The following NEGR1 variants were observed in gnomAD, a reference collection of about 807,000 sequenced individuals.
The protein encoded by NEGR1 is IgLON family member 4.
A neutral mutation model predicts 40.9 loss-of-function variants in NEGR1; 10 were observed. That is an observed-to-expected ratio of 0.24 (90% confidence interval 0.15 to 0.42). NEGR1 has a LOEUF of 0.42. Among genes scored for constraint, NEGR1 ranks in the 10% least tolerant of loss-of-function variants. NEGR1 has a pLI of 1.00. For missense variants in NEGR1, 352 were observed against 438.9 expected (o/e 0.80, Z 1.77); for synonymous variants, 185 against 166.8 (o/e 1.11, Z -0.84).
chr1:72,109,459 A>T (rs931664894), intron 1 of NEGR1, among the ~76,000 whole-genome samples: 3 of 151,574 alleles, frequency 2.0e-5, no homozygotes, highest in South Asian at 2.1e-4. Flanking sequence ...ATTGTTAAAA[A>T]TTTTTCCTAA....
intron 1 of NEGR1, among the ~76,000 whole-genome samples, chr1:72,253,155 G>GT (rs1184236965): frequency 3.3e-5 from 5 of 152,044 alleles, no homozygotes; most frequent in Non-Finnish European, 7.4e-5. Flanking sequence ...TGGACAGAGG[G>GT]TTTTTTTAAG....
intron 1 of NEGR1, among the ~76,000 whole-genome samples, chr1:72,071,835 T>C (rs1647475293): frequency 6.6e-6 from 1 of 152,160 alleles, no homozygotes; most frequent in Non-Finnish European, 1.5e-5. Flanking sequence ...TAGTGTCTTC[T>C]TCACTCTGTA....
At chr1:71,857,304 T>C (rs991228146) in intron 2 of NEGR1, among the ~76,000 whole-genome samples, 1 of 151,592 alleles carries the variant, frequency 6.6e-6, no homozygotes, top group Non-Finnish European at 1.5e-5. Context: ...CACCATTTTC[T>C]CATCTGAAAA....
At chr1:71,630,954 C>T (rs929028336) in intron 4 of NEGR1, among the ~76,000 whole-genome samples, 10 of 151,826 alleles carry the variant, frequency 6.6e-5, no homozygotes, top group African/African-American at 2.2e-4. Context: ...AATTACAATG[C>T]TTATAAAGAT....
intron 1 of NEGR1, among the ~76,000 whole-genome samples, chr1:71,988,524 C>A (rs1366726198): frequency 8.9e-6 from 1 of 112,548 alleles, no homozygotes; most frequent in African/African-American, 3.5e-5. Flanking sequence ...CCGTCCTGGG[C>A]GACAGAGCGA....
chr1:72,120,360 TTGAAGAG>T (rs1262850551), intron 1 of NEGR1, among the ~76,000 whole-genome samples: 1 of 151,994 alleles, frequency 6.6e-6, no homozygotes, highest in African/African-American at 2.4e-5. Flanking sequence ...TTATGAATTA[TTGAAGAG>T]TATAGCTAAA....
At chr1:71,886,596 C>T (rs1459425148) in intron 2 of NEGR1, among the ~76,000 whole-genome samples, 1 of 152,018 alleles carries the variant, frequency 6.6e-6, no homozygotes, top group African/African-American at 2.4e-5. Context: ...TACTTTTTAC[C>T]ATCAGTCTGC....
At chr1:71,992,052 C>A (rs1456799261) in intron 1 of NEGR1, among the ~76,000 whole-genome samples, 11 of 152,056 alleles carry the variant, frequency 7.2e-5, no homozygotes, top group Admixed American at 7.2e-4. Flanking sequence ...TCCTTGGCCT[C>A]CCAAAGTGCT....
intron 1 of NEGR1, among the ~76,000 whole-genome samples, chr1:72,205,044 G>C (rs1050125595): frequency 6.6e-6 from 1 of 151,952 alleles, no homozygotes; most frequent in East Asian, 1.9e-4. Context: ...GTGCTTAGAG[G>C]TATGAAAAAC....
At chr1:72,143,988 T>G (rs1650807941) in intron 1 of NEGR1, among the ~76,000 whole-genome samples, 1 of 147,188 alleles carries the variant, frequency 6.8e-6, no homozygotes, top group South Asian at 2.1e-4. Context: ...AAGAAAGACC[T>G]GAGATGGTCT....
intron 1 of NEGR1, among the ~76,000 whole-genome samples, chr1:72,074,016 C>G (rs1296572491): frequency 6.6e-6 from 1 of 152,000 alleles, no homozygotes; most frequent in Non-Finnish European, 1.5e-5. Flanking sequence ...AAAATAAAAT[C>G]TTTCATCAAT....
intron 1 of NEGR1, among the ~76,000 whole-genome samples, chr1:71,984,882 A>G (rs1212893642): frequency 3.9e-5 from 6 of 152,174 alleles, no homozygotes; most frequent in Admixed American, 3.3e-4. Context: ...ATGATATAAA[A>G]TAATAACTAA....
chr1:71,581,056 C>T (rs1649119648), intron 6 of NEGR1, among the ~76,000 whole-genome samples: 1 of 152,116 alleles, frequency 6.6e-6, no homozygotes, highest in African/African-American at 2.4e-5. Flanking sequence ...AACCTCATTA[C>T]CTCCAAATTA....
chr1:72,023,360 T>A (rs987154603), intron 1 of NEGR1, among the ~76,000 whole-genome samples: 7 of 152,074 alleles, frequency 4.6e-5, no homozygotes, highest in Admixed American at 3.9e-4. Flanking sequence ...TGCTCAAGTA[T>A]CTGTAACCAC....
chr1:72,199,485 CT>C (rs1653125572), intron 1 of NEGR1, among the ~76,000 whole-genome samples: 1 of 151,970 alleles, frequency 6.6e-6, no homozygotes, highest in African/African-American at 2.4e-5. Context: ...ATTAGAGACA[CT>C]TCAAATTCGC....
At chr1:71,733,495 G>A (rs894975493) in intron 3 of NEGR1, among the ~76,000 whole-genome samples, 3 of 152,132 alleles carry the variant, frequency 2.0e-5, no homozygotes, top group African/African-American at 7.2e-5. Context: ...CATGCCTCCA[G>A]TTTGTTAAAA....
At chr1:71,447,327 A>G (rs889546518) in intron 6 of NEGR1, among the ~76,000 whole-genome samples, 14 of 152,196 alleles carry the variant, frequency 9.2e-5, no homozygotes, top group Admixed American at 3.3e-4. Flanking sequence ...AATCCACCCA[A>G]AGAGGTCAAA....
chr1:71,470,111 T>C (rs190452799), intron 6 of NEGR1, among the ~76,000 whole-genome samples: 8 of 152,258 alleles, frequency 5.3e-5, no homozygotes, highest in African/African-American at 4.8e-5. Flanking sequence ...TCTAAGTTTC[T>C]TGAAGTCAAG....
intron 1 of NEGR1, among the ~76,000 whole-genome samples, chr1:72,034,050 G>C (rs781721287): frequency 1.6e-3 from 243 of 152,316 alleles, no homozygotes; most frequent in Non-Finnish European, 2.9e-3. Context: ...AGGTATTTCA[G>C]GAAGGTGAAA....
Sources: allele counts gnomAD v4.1 joint callset (sites outside exome capture counted in the v4.1 genomes callset), GRCh38; gene constraint gnomAD v4.1.1; transcripts MANE v1.5; gene names NCBI Gene and HGNC (gene_info 2026-07-23, HGNC 2026-07-21).